NPFFR1: variants seen among roughly 807,000 people sequenced by gnomAD.
NPFFR1 encodes neuropeptide FF receptor 1.
A neutral mutation model predicts 12.7 loss-of-function variants in NPFFR1; 17 were observed. That is an observed-to-expected ratio of 1.34 (90% confidence interval 0.92 to 2.01). NPFFR1 has a LOEUF of 2.01. NPFFR1 is among the 30% of genes most tolerant of loss of function. NPFFR1 has a pLI of 0.00. For synonymous variants in NPFFR1, 296 were observed against 264.5 expected (o/e 1.12, Z -1.16); for missense variants, 604 against 606.5 (o/e 1.00, Z 0.04).
intron 1 of NPFFR1, among the ~76,000 whole-genome samples, chr10:70,281,321 G>A (rs1404453538): frequency 2.6e-5 from 4 of 152,096 alleles, no homozygotes; most frequent in Admixed American, 6.5e-5. Context: ...GGTAAACCTC[G>A]GGTTCACCCT....
chr10:70,269,269 G>T (rs1050499526), intron 1 of NPFFR1, among the ~76,000 whole-genome samples: 5 of 152,004 alleles, frequency 3.3e-5, no homozygotes, highest in African/African-American at 9.7e-5. Context: ...CAATCCTCCC[G>T]CCTCGGCCTC....
rs7076262 is a variant in NPFFR1, at chr10:70,254,900, A to G, written c.*57T>C. The G allele has an allele frequency of 8.3e-4, 1,142 of 1,377,582 alleles. 9 individuals carry two copies. The African/African-American group carries it at 0.015, about 19-fold the overall frequency. The allele number at this position is 1,377,582 out of a possible 1,614,324, so 85.3% of individuals were successfully genotyped here. ...ACCACACCAGGCCGCTATCGCCTGC[A>G]TGTATCTCGTGTCCAATCGGGGCCC... On this transcript the variant is annotated 3_prime_UTR_variant, in exon 4 of 4. Coordinates refer to ENST00000277942, the MANE Select transcript of NPFFR1 (RefSeq NM_022146.5).
At chr10:70,259,623 A>G (rs1840613393) in intron 3 of NPFFR1, among the ~76,000 whole-genome samples, 3 of 152,190 alleles carry the variant, frequency 2.0e-5, no homozygotes, top group Admixed American at 2.0e-4. Flanking sequence ...AGTTACAAAA[A>G]ACTGGGCTTG....
rs1840884088 is a variant in NPFFR1, at chr10:70,283,517, GTGTCTC to G, written c.7+147_7+152del. ...ACCCCAGGTCTCTCTCCCTCACTCA[GTGTCTC>G]TGTCTCTGTCACACACAGAGTGTCA... is the stretch of plus-strand genomic sequence containing the variant. On this transcript the variant is annotated intron_variant, in intron 1 of 3. Transcript: ENST00000277942. 2.0e-5 allele frequency among the ~76,000 whole-genome samples: 3 copies of G among 152,214 alleles called. No homozygotes were observed. The South Asian group carries it at 6.2e-4, about 32-fold the overall frequency.
In NPFFR1 at chr10:70,254,940, G is replaced by GCA; in HGVS notation, c.*16_*17insTG. Reference sequence around the variant, plus strand: ...AATCGGGGCCCTGAGGCAGCGTCCCGCCCTCCCTGGACCCCCTCAGATATC... The same window carrying GCA: ...AATCGGGGCCCTGAGGCAGCGTCCCGCACCCTCCCTGGACCCCCTCAGATATC... On this transcript the variant is annotated 3_prime_UTR_variant, in exon 4 of 4. Coordinates refer to ENST00000277942, the MANE Select transcript of NPFFR1 (RefSeq NM_022146.5). The GCA allele has an allele frequency of 9.5e-7, 1 of 1,052,158 alleles. No homozygotes were observed. The highest frequency in any genetic ancestry group is 1.2e-6 in the Non-Finnish European group (1 of 803,950). The allele number at this position is 1,052,158 out of a possible 1,614,324, so 65.2% of individuals were successfully genotyped here.
intron 3 of NPFFR1, among the ~76,000 whole-genome samples, chr10:70,258,617 A>G (rs897630536): frequency 6.6e-6 from 1 of 152,198 alleles, no homozygotes; most frequent in Non-Finnish European, 1.5e-5. Flanking sequence ...GACACTGACC[A>G]CACTTCTTGA....
At chr10:70,265,586 G>A (rs558596684) in intron 2 of NPFFR1, among the ~76,000 whole-genome samples, 105 of 152,298 alleles carry the variant, frequency 6.9e-4, no homozygotes, top group South Asian at 3.5e-3. Flanking sequence ...TTTCGTTCCC[G>A]ATTCAGAGGA....
intron 1 of NPFFR1, among the ~76,000 whole-genome samples, chr10:70,277,805 T>G (rs1297993499): frequency 6.6e-6 from 1 of 152,156 alleles, no homozygotes; most frequent in Non-Finnish European, 1.5e-5. Context: ...GCCCTTCTGC[T>G]GACTTGTCCC....
rs928356513 is a variant in NPFFR1 at position 70,253,213 on chromosome 10, A to G, written c.*1744T>C. The stretch of plus-strand genomic sequence containing the variant: ...TGGCAGCCTGCTCAGCACCAGGGCA[A>G]GAACAACTCAGGCTGGACATTACGA... On this transcript the variant is annotated 3_prime_UTR_variant, in exon 4 of 4. Transcript: ENST00000277942. 6.6e-6 allele frequency: 1 copy of G among 152,328 alleles called. No individual in the cohort carries two copies. The highest frequency in any genetic ancestry group is 2.4e-5 in the African/African-American group (1 of 41,460). 9.4% of individuals were successfully genotyped at this position (152,328 alleles called of 1,614,324 possible).
chr10:70,260,060 T>C (rs1480193268), intron 3 of NPFFR1, among the ~76,000 whole-genome samples: 1 of 152,214 alleles, frequency 6.6e-6, no homozygotes, highest in African/African-American at 2.4e-5. Context: ...AGTGCTTTAT[T>C]GATTGCAAGC....
At chr10:70,270,931 G>A (rs1301308674) in intron 1 of NPFFR1, among the ~76,000 whole-genome samples, 1 of 152,122 alleles carries the variant, frequency 6.6e-6, no homozygotes, top group Non-Finnish European at 1.5e-5. Flanking sequence ...CTCAAAGAGG[G>A]GTCCCGACCA....
chr10:70,255,611 G>A lies in NPFFR1; in HGVS notation c.639C>T (p.Arg213=), dbSNP rs764249477. Reference sequence around the variant, plus strand: ...AGAAGAGCACAGTGGTGTAGACCCTGCGCATGCCCTTCTCGGGCCAGGCCT... The same window carrying A: ...AGAAGAGCACAGTGGTGTAGACCCTACGCATGCCCTTCTCGGGCCAGGCCT... ...CWEAWPEKGM[R]RVYTTVLFSH... The change falls in exon 4 of 4, where the codon CGC becomes CGT. Residue 213 remains arginine (R), a synonymous_variant. Coordinates refer to ENST00000277942, the MANE Select transcript of NPFFR1 (RefSeq NM_022146.5). This position sits in a 1 kb window ranked among gnomAD's most constrained non-coding sequence, Gnocchi z 4.2. 5 of 1,565,216 alleles carry A rather than the reference G, an allele frequency of 3.2e-6. No homozygotes were observed. Among genetic ancestry groups the A allele is most frequent in the Non-Finnish European group, 4.3e-6 (5 of 1,155,202 alleles).
rs869052329 is a variant in NPFFR1, at chr10:70,248,485, G to GTTTT, written c.*6468_*6471dup. On this transcript the variant is annotated 3_prime_UTR_variant, in exon 4 of 4. Transcript: ENST00000277942. ...GCCTGGCGTTTTTTTTTTGTTTTTT[G>GTTTT]TTTTTTTTTTTTTTTTTTGAGATGG... is the stretch of plus-strand genomic sequence containing the variant. 1 of 91,320 alleles carries GTTTT rather than the reference G, an allele frequency of 1.1e-5. No homozygotes were observed. Among genetic ancestry groups the GTTTT allele is most frequent in the African/African-American group, 4.2e-5 (1 of 23,960 alleles). The allele number at this position is 91,320 out of a possible 1,614,324, so 5.7% of individuals were successfully genotyped here.
chr10:70,265,764 C>T (rs1414932806), intron 2 of NPFFR1, among the ~76,000 whole-genome samples: 10 of 152,298 alleles, frequency 6.6e-5, no homozygotes, highest in Middle Eastern at 6.8e-3. Context: ...TTAACCACTC[C>T]GAGCATGTTT....
chr10:70,276,394 C>A (rs1840804698), intron 1 of NPFFR1, among the ~76,000 whole-genome samples: 1 of 152,154 alleles, frequency 6.6e-6, no homozygotes, highest in African/African-American at 2.4e-5. Context: ...TTCTGATAAA[C>A]TTGTTCACAT....
At chr10:70,276,345 T>C (rs1840804300) in intron 1 of NPFFR1, among the ~76,000 whole-genome samples, 1 of 152,148 alleles carries the variant, frequency 6.6e-6, no homozygotes, top group Admixed American at 6.5e-5. Context: ...TAACGTTCTC[T>C]CTCTCCCCAT....
rs1441164821 is a variant in NPFFR1, at chr10:70,260,647, C to T, written c.415G>A (p.Val139Met). The T allele has an allele frequency of 1.9e-6, 3 of 1,608,856 alleles. No homozygotes were observed. In the African/African-American group the frequency reaches 4.0e-5, roughly 21 times the overall value. The stretch of plus-strand genomic sequence containing the variant: ...AGCCAGGAAACCTCTCACCTTTCCA[C>T]AGCAATGGCCACCAGTGTGAAAACG... ...ASVFTLVAIAVERFRCIVHPF... is the reference protein window; with the variant it reads ...ASVFTLVAIAMERFRCIVHPF... Residue 139 changes from valine to methionine, a missense_variant, in exon 3 of 4, where the codon GTG becomes ATG. By Grantham distance (21) the Val-to-Met change is conservative. Coordinates refer to ENST00000277942, the MANE Select transcript of NPFFR1 (RefSeq NM_022146.5).
At chr10:70,266,647 C>T (rs150949975) in intron 1 of NPFFR1, among the ~76,000 whole-genome samples, 1 of 152,304 alleles carries the variant, frequency 6.6e-6, no homozygotes, top group Non-Finnish European at 1.5e-5. Context: ...ATTAACTCCC[C>T]CATCCCATTT....
chr10:70,275,793 A>G (rs543270476), intron 1 of NPFFR1, among the ~76,000 whole-genome samples: 1 of 152,300 alleles, frequency 6.6e-6, no homozygotes, highest in Admixed American at 6.5e-5. Context: ...TAGTATTTCC[A>G]TTATTTTTGA....
Sources: gnomAD v4.1 joint callset for allele counts (sites outside exome capture counted in the v4.1 genomes callset) on GRCh38, gnomAD v4.1.1 for gene constraint, Gnocchi (gnomAD v3.1) non-coding constraint, MANE v1.5 for transcripts, NCBI Gene and HGNC (gene_info 2026-07-23, HGNC 2026-07-21) for gene names.